Variants in SYN2 observed in about 807,000 individuals in gnomAD.
The protein encoded by SYN2 is synapsin-2.
A neutral mutation model predicts 50.9 loss-of-function variants in SYN2; 19 were observed. That is an observed-to-expected ratio of 0.37 (90% CI 0.26 to 0.55). The LOEUF (loss-of-function observed/expected upper bound fraction) is 0.55. SYN2 is among the 20% of genes least tolerant of loss of function. The pLI, the probability that SYN2 is intolerant of heterozygous loss-of-function variation, is 0.81. For missense variants in SYN2, 587 were observed against 576.4 expected (o/e 1.02, Z -0.19); for synonymous variants, 255 against 224.9 (o/e 1.13, Z -1.20).
chr3:12,107,564 C>T (rs761947121), intron 1 of SYN2, among the ~76,000 whole-genome samples: 11 of 152,196 alleles, frequency 7.2e-5, no homozygotes, highest in South Asian at 2.1e-4. Flanking sequence ...CATTCCCATC[C>T]GAGATGACTC....
At chr3:12,101,571 C>T (rs1696076966) in intron 1 of SYN2, among the ~76,000 whole-genome samples, 1 of 152,074 alleles carries the variant, frequency 6.6e-6, no homozygotes, top group Admixed American at 6.6e-5. Context: ...GTGACAATTA[C>T]ACAACTTGTG....
chr3:12,084,229 A>G (rs1695641326), intron 1 of SYN2, among the ~76,000 whole-genome samples: 1 of 151,460 alleles, frequency 6.6e-6, no homozygotes, highest in Non-Finnish European at 1.5e-5. Flanking sequence ...CACTCAGACT[A>G]CTCCATTTTT....
chr3:12,174,523 A>G (rs950527066), intron 10 of SYN2, among the ~76,000 whole-genome samples: 1 of 152,014 alleles, frequency 6.6e-6, no homozygotes, highest in African/African-American at 2.4e-5. Context: ...TTGCTCTGTC[A>G]CCAGGCTGGA....
chr3:12,145,379 A>G (rs1047800319), intron 3 of SYN2, among the ~76,000 whole-genome samples: 1 of 152,210 alleles, frequency 6.6e-6, no homozygotes, highest in Non-Finnish European at 1.5e-5. Flanking sequence ...TCTCCAAAAC[A>G]TAAAGAATTA....
In SYN2 at chr3:12,054,336, G is replaced by A. The variant is rs974421207; in HGVS notation, c.377+49408G>A. Among the ~76,000 whole-genome samples, 3 of 152,104 alleles carry A rather than the reference G, an allele frequency of 2.0e-5. No homozygotes were observed. The East Asian group carries it at 5.8e-4, about 29-fold the overall frequency. ...CAGATTTGTCCTTTGCAATTTTGGG[G>A]GAAGCAAGATCCTACATAGTGGCAC... On this transcript the variant is annotated intron_variant, in intron 1 of 12. Coordinates refer to ENST00000621198, the MANE Select transcript of SYN2 (RefSeq NM_133625.6).
intron 7 of SYN2, among the ~76,000 whole-genome samples, chr3:12,163,065 C>T (rs1048496309): frequency 2.0e-5 from 3 of 151,776 alleles, no homozygotes; most frequent in African/African-American, 7.3e-5. Context: ...ATGGTGAAAC[C>T]CCATCTCTAC....
chr3:12,130,142 G>A (rs879355147), intron 1 of SYN2, among the ~76,000 whole-genome samples: 7 of 152,090 alleles, frequency 4.6e-5, no homozygotes, highest in Non-Finnish European at 8.8e-5. Context: ...GTGTGTGTGT[G>A]TGTGTGTACA....
At position 12,122,868 on chromosome 3, in the gene SYN2, CAAG is replaced by C. The variant is rs1696590196; in HGVS notation, c.378-17780_378-17778del. On this transcript the variant is annotated intron_variant, in intron 1 of 12. Coordinates refer to ENST00000621198, the MANE Select transcript of SYN2 (RefSeq NM_133625.6). ...ATTAATAGATTTAAAATTGTAGGAA[CAAG>C]AAAGACTTAAAAAAAAACAAGAAAG... 2.0e-5 allele frequency among the ~76,000 whole-genome samples: 3 copies of C among 150,828 alleles called. No homozygotes were observed. The South Asian group carries it at 6.3e-4, about 32-fold the overall frequency.
At chr3:12,162,262 T>C in intron 7 of SYN2, 108 bp downstream of exon 7, 1 of 1,386,496 alleles carries the variant, frequency 7.2e-7, no homozygotes, top group East Asian at 2.4e-5. Context: ...AAGTCAGAGA[T>C]TTTTTTACCT....
chr3:12,164,871 T>C (rs541244199), intron 7 of SYN2, among the ~76,000 whole-genome samples: 1 of 152,314 alleles, frequency 6.6e-6, no homozygotes, highest in Admixed American at 6.5e-5. Context: ...AACAGGGTTA[T>C]ATAATATTTT....
At chr3:12,169,561 C>G (rs1215863232) in intron 9 of SYN2, among the ~76,000 whole-genome samples, 196 bp from the exon 10 acceptor site, 1 of 152,112 alleles carries the variant, frequency 6.6e-6, no homozygotes, top group Non-Finnish European at 1.5e-5. Flanking sequence ...GGGAAAAGAC[C>G]TGAGGCAAAG....
At chr3:12,140,048 T>A (rs972656530) in intron 1 of SYN2, among the ~76,000 whole-genome samples, 2 of 152,236 alleles carry the variant, frequency 1.3e-5, no homozygotes, top group Non-Finnish European at 2.9e-5. Flanking sequence ...GTGGGCTAAG[T>A]TTTGTGTTCA....
Position 12,004,761 on chromosome 3 carries a change from G to GCAGCCCGCGCCGCAGCCCGCGCCA in SYN2, c.222_223insCAGCCCGCGCCACAGCCCGCGCCG (p.Pro74_Thr75insGlnProAlaProGlnProAlaPro). 5.7e-6 allele frequency: 2 copies of GCAGCCCGCGCCGCAGCCCGCGCCA among 349,642 alleles called. No individual in the cohort carries two copies. Among genetic ancestry groups the GCAGCCCGCGCCGCAGCCCGCGCCA allele is most frequent in the Non-Finnish European group, 1.0e-5 (2 of 195,760 alleles). 21.7% of individuals were successfully genotyped at this position (349,642 alleles called of 1,614,324 possible). A position where few individuals can be genotyped will look rare whatever the true frequency, so the allele number is the denominator to read the frequency against. On this transcript the variant is annotated inframe_insertion, in exon 1 of 13. Transcript: ENST00000621198. ...CGCCGCCCGCCTCGGCGCCCGCGCCGCAGCCCGCGCCGACGCCGTCGGTGG... is the reference window on the plus strand; with the variant it reads ...CGCCGCCCGCCTCGGCGCCCGCGCCGCAGCCCGCGCCGCAGCCCGCGCCACAGCCCGCGCCGACGCCGTCGGTGG...
intron 5 of SYN2, chr3:12,153,203 A>T: frequency 2.2e-6 from 1 of 445,470 alleles, no homozygotes; most frequent in Non-Finnish European, 4.2e-6. Flanking sequence ...ATTAAGACAA[A>T]GGAAAACACA....
intron 1 of SYN2, among the ~76,000 whole-genome samples, chr3:12,106,033 G>T (rs760243765): frequency 2.6e-5 from 4 of 152,170 alleles, no homozygotes; most frequent in Non-Finnish European, 4.4e-5. Context: ...TGTCAGCTGG[G>T]CTGAGTTCTT....
chr3:12,027,279 A>T (rs1694281869), intron 1 of SYN2, among the ~76,000 whole-genome samples: 1 of 152,210 alleles, frequency 6.6e-6, no homozygotes, highest in African/African-American at 2.4e-5. Flanking sequence ...TAATTGGAGC[A>T]GCGTGCCTTT....
chr3:12,161,816 C>CT (rs1193142421), intron 6 of SYN2, 196 bp from the exon 7 acceptor site: 11 of 989,324 alleles, frequency 1.1e-5, no homozygotes, highest in African/African-American at 8.1e-5. Context: ...CCTCTGGGTC[C>CT]TTTGCAGCAA....
chr3:12,027,820 T>A (rs1184151708), intron 1 of SYN2, among the ~76,000 whole-genome samples: 1 of 152,098 alleles, frequency 6.6e-6, no homozygotes, highest in Non-Finnish European at 1.5e-5. Flanking sequence ...TAATATTTCA[T>A]GGCCCAGTGG....
In SYN2 at chr3:12,150,500, C is replaced by T. The variant is rs780616085; in HGVS notation, c.685-737C>T. ...CAGCTTCTTCATTTATAAGATGGAG[C>T]GGGGTGGGGGAGCCCAGGTGTGCAC... On this transcript the variant is annotated intron_variant, in intron 4 of 12. Coordinates refer to ENST00000621198, the MANE Select transcript of SYN2 (RefSeq NM_133625.6). Among the ~76,000 whole-genome samples, 5 of 151,722 alleles carry T rather than the reference C, an allele frequency of 3.3e-5. No homozygotes were observed. The South Asian group carries it at 6.2e-4, about 19-fold the overall frequency.
Sources: allele counts gnomAD v4.1 joint callset (sites outside exome capture counted in the v4.1 genomes callset), GRCh38; gene constraint gnomAD v4.1.1; transcripts MANE v1.5; gene names NCBI Gene and HGNC (gene_info 2026-07-23, HGNC 2026-07-21).